Variants in WASF1 observed in about 807,000 individuals in gnomAD.
WASF1 encodes actin-binding protein WASF1.
WASF1 carries 7 observed loss-of-function variants against 50.5 expected under a neutral mutation model. The observed-to-expected ratio is 0.14, with a 90% CI of 0.08 to 0.26. WASF1 has a LOEUF of 0.26. Ranked by LOEUF, WASF1 falls within the 10% of genes least tolerant of loss-of-function variation. The probability of loss-of-function intolerance (pLI) is 1.00; values close to 1 mark genes in which losing one functional copy is unlikely to be tolerated. For synonymous variants in WASF1, 205 were observed against 244.0 expected, an observed-to-expected ratio of 0.84 and a Z score of 1.49; for missense variants, 470 against 694.7, an observed-to-expected ratio of 0.68 and a Z score of 3.64.
At chr6:110,139,057 T>C (rs562515896) in intron 3 of WASF1, among the ~76,000 whole-genome samples, 1 of 152,294 alleles carries the variant, frequency 6.6e-6, no homozygotes, top group African/African-American at 2.4e-5. Context: ...CCCATGCTCA[T>C]AGGCACCCAA....
intron 2 of WASF1, among the ~76,000 whole-genome samples, chr6:110,173,542 G>A (rs919597393): frequency 1.1e-4 from 16 of 152,126 alleles, no homozygotes; most frequent in African/African-American, 3.4e-4. Flanking sequence ...CTTGATCTAT[G>A]AGAGGACTCA....
intron 2 of WASF1, among the ~76,000 whole-genome samples, chr6:110,172,899 G>A (rs920088761): frequency 1.3e-5 from 2 of 152,070 alleles, no homozygotes; most frequent in African/African-American, 4.8e-5. Flanking sequence ...TAAACTGTAC[G>A]TGTACCCTCT....
chr6:110,107,439 T>G (rs930314744), intron 6 of WASF1, among the ~76,000 whole-genome samples: 1 of 152,186 alleles, frequency 6.6e-6, no homozygotes, highest in African/African-American at 2.4e-5. Flanking sequence ...CTGGGCAATT[T>G]TCATCCCTAA....
Position 110,100,249 on chromosome 6 carries a change from G to C in WASF1, c.*273C>G, listed in dbSNP as rs1474643154. ...TAAGATATATCAAAAAACTGAATCT[G>C]CTACTCTAACAACAGCTGTCCATGC... On this transcript the variant is annotated 3_prime_UTR_variant, in exon 11 of 11. Coordinates refer to ENST00000392589, the MANE Select transcript of WASF1 (RefSeq NM_003931.3). 1 of 269,848 alleles carries C rather than the reference G, an allele frequency of 3.7e-6. No individual in the cohort carries two copies. Among genetic ancestry groups the C allele is most frequent in the African/African-American group, 2.2e-5 (1 of 45,136 alleles). The allele number at this position is 269,848 out of a possible 1,614,324, so 16.7% of individuals were successfully genotyped here.
intron 3 of WASF1, among the ~76,000 whole-genome samples, chr6:110,143,683 T>A (rs953777264): frequency 6.6e-6 from 1 of 152,186 alleles, no homozygotes; most frequent in Non-Finnish European, 1.5e-5. Flanking sequence ...AATTGCTTTA[T>A]GGGTTATACA....
At chr6:110,150,319 T>C (rs1305803060) in intron 3 of WASF1, among the ~76,000 whole-genome samples, 3 of 152,152 alleles carry the variant, frequency 2.0e-5, no homozygotes, top group Non-Finnish European at 4.4e-5. Context: ...AGGTCTAAAG[T>C]AGACTAAGGT....
intron 4 of WASF1, among the ~76,000 whole-genome samples, chr6:110,118,050 T>A (rs2114488955): frequency 6.6e-6 from 1 of 152,134 alleles, no homozygotes; most frequent in South Asian, 2.1e-4. Context: ...TACCAGCCAC[T>A]GCAAAACATG....
At chr6:110,143,914 G>A (rs374092560) in intron 3 of WASF1, among the ~76,000 whole-genome samples, 27 of 152,162 alleles carry the variant, frequency 1.8e-4, no homozygotes, top group South Asian at 6.2e-4. Flanking sequence ...ATAGTGCCGC[G>A]ATAAACATAC....
At chr6:110,154,246 A>G (rs988526859) in intron 3 of WASF1, among the ~76,000 whole-genome samples, 2 of 152,132 alleles carry the variant, frequency 1.3e-5, no homozygotes, top group African/African-American at 4.8e-5. Context: ...ATACAATACA[A>G]TATCATATGG....
chr6:110,147,214 C>G (rs912783126), intron 3 of WASF1, among the ~76,000 whole-genome samples: 2 of 151,222 alleles, frequency 1.3e-5, no homozygotes, highest in African/African-American at 4.9e-5. Flanking sequence ...GGCGTGGTGG[C>G]GGGCGCCTGT....
rs1453168511 is a variant in WASF1, at chr6:110,101,759, G to A, written c.1351C>T (p.Pro451Ser). The part of the protein sequence containing the change: ...SPVTVTALAH[P>S]PSGLHPTPST... ...GGAGTTGGATGTAGCCCAGAGGGAG[G>A]ATGAGCAAGAGCTGTAACTGTGACA... Residue 451 changes from proline (P) to serine (S), a missense_variant, in exon 10 of 11, where the codon CCT becomes TCT. By Grantham distance (74) the Pro-to-Ser change is moderately conservative. Transcript: ENST00000392589. 6.2e-7 allele frequency: 1 copy of A among 1,614,110 alleles called. No individual in the cohort carries two copies. The highest frequency in any genetic ancestry group is 2.2e-5 in the East Asian group (1 of 44,882).
At chr6:110,121,994 T>C (rs889289974) in intron 4 of WASF1, among the ~76,000 whole-genome samples, 1 of 137,532 alleles carries the variant, frequency 7.3e-6, no homozygotes, top group African/African-American at 2.8e-5. Context: ...CATGAACACA[T>C]GGACACATGG....
chr6:110,124,264 CTCTCTCTCTCTATATATATA>C (rs1774306245), intron 4 of WASF1, among the ~76,000 whole-genome samples: 5 of 62,834 alleles, frequency 8.0e-5, no homozygotes, highest in African/African-American at 4.1e-4. Flanking sequence ...CTCTCTCTCT[CTCTCTCTCTCTATATATATA>C]TATATATATA....
At chr6:110,141,551 C>T (rs1211182572) in intron 3 of WASF1, among the ~76,000 whole-genome samples, 1 of 152,124 alleles carries the variant, frequency 6.6e-6, no homozygotes, top group African/African-American at 2.4e-5. Flanking sequence ...CTTTACTATA[C>T]TGTGCTTATT....
Position 110,108,523 on chromosome 6 carries a change from C to A in WASF1, c.422+5G>T. On this transcript the variant is annotated splice_donor_5th_base_variant and intron_variant, in intron 6 of 10. Coordinates refer to ENST00000392589, the MANE Select transcript of WASF1 (RefSeq NM_003931.3). ...AATAGGGCTACTATTTATTAACCTACCTACCTATAAGGAGTGAGTATATTG... is the reference window on the plus strand; with the variant it reads ...AATAGGGCTACTATTTATTAACCTAACTACCTATAAGGAGTGAGTATATTG... The A allele has an allele frequency of 6.2e-7, 1 of 1,602,366 alleles. No individual in the cohort carries two copies. The highest frequency in any genetic ancestry group is 8.5e-7 in the Non-Finnish European group (1 of 1,173,828).
At chr6:110,178,417 A>G (rs987521385) in intron 2 of WASF1, among the ~76,000 whole-genome samples, 181 bp downstream of exon 2, 1 of 152,194 alleles carries the variant, frequency 6.6e-6, no homozygotes, top group African/African-American at 2.4e-5. Context: ...TACCATGCAA[A>G]TTTAAATTTA....
In WASF1 at chr6:110,134,456, C is replaced by T. The variant is rs193218481; in HGVS notation, c.-28-6827G>A. 7.4e-5 allele frequency among the ~76,000 whole-genome samples: 11 copies of T among 149,616 alleles called. No individual in the cohort carries two copies. The East Asian group carries it at 2.2e-3, about 29-fold the overall frequency. ...TTTCTTTTTTGGAGATGGAGTTTCG[C>T]TCTTGTTGCCCAGACTGGAGTGCGG... On this transcript the variant is annotated intron_variant, in intron 3 of 10. Transcript: ENST00000392589.
chr6:110,131,449 C>G lies in WASF1; in HGVS notation c.-28-3820G>C, dbSNP rs576811346. On this transcript the variant is annotated intron_variant, in intron 3 of 10. Coordinates refer to ENST00000392589, the MANE Select transcript of WASF1 (RefSeq NM_003931.3). Reference sequence around the variant, plus strand: ...ATCAAGTTTCTATGTATTTTTAAATCAGATTTTGAGCTACATACTATTCCA... The same window carrying G: ...ATCAAGTTTCTATGTATTTTTAAATGAGATTTTGAGCTACATACTATTCCA... 4.6e-5 allele frequency among the ~76,000 whole-genome samples: 7 copies of G among 152,210 alleles called. No homozygotes were observed. In the East Asian group the frequency reaches 1.2e-3, roughly 25 times the overall value.
At chr6:110,120,050 A>G (rs1774020928) in intron 4 of WASF1, among the ~76,000 whole-genome samples, 1 of 152,218 alleles carries the variant, frequency 6.6e-6, no homozygotes, top group African/African-American at 2.4e-5. Context: ...TCAAAATAAT[A>G]AGAGCTATTT....
Sources: gnomAD v4.1 joint callset for allele counts (sites outside exome capture counted in the v4.1 genomes callset) on GRCh38, gnomAD v4.1.1 for gene constraint, MANE v1.5 for transcripts, NCBI Gene and HGNC (gene_info 2026-07-23, HGNC 2026-07-21) for gene names.